ZNF700: variants seen among roughly 807,000 people sequenced by gnomAD.
ZNF700 encodes zinc finger protein 700.
Under a neutral mutation model 65.3 loss-of-function variants are expected in ZNF700, and 38 were observed. The ratio of observed to expected loss-of-function variants is 0.58; its 90% CI spans 0.45 to 0.76. The LOEUF is 0.76. Ranked by LOEUF, ZNF700 falls within the 30% of genes least tolerant of loss-of-function variation. The pLI, the probability that ZNF700 is intolerant of heterozygous loss-of-function variation, is 0.00. For missense variants in ZNF700, 857 were observed against 888.4 expected, an observed-to-expected ratio of 0.96 and a Z score of 0.45; for synonymous variants, 285 against 290.4, an observed-to-expected ratio of 0.98 and a Z score of 0.19.
At chr19:11,937,772 G>A (rs1972820287) in intron 1 of ZNF700, among the ~76,000 whole-genome samples, 1 of 152,060 alleles carries the variant, frequency 6.6e-6, no homozygotes, top group South Asian at 2.1e-4. Context: ...ACAAGTGTGA[G>A]CCACCGCACC....
At chr19:11,936,687 G>A (rs577855149) in intron 1 of ZNF700, among the ~76,000 whole-genome samples, 1 of 152,252 alleles carries the variant, frequency 6.6e-6, no homozygotes, top group East Asian at 1.9e-4. Flanking sequence ...AAGCTCTTTA[G>A]TTTAATTAGA....
At chr19:11,941,548 C>G (rs553485171) in intron 1 of ZNF700, among the ~76,000 whole-genome samples, 66 of 152,354 alleles carry the variant, frequency 4.3e-4, no homozygotes, top group Middle Eastern at 3.4e-3. Flanking sequence ...GGTGCTAAGC[C>G]CCTCATTGCC....
At chr19:11,928,425 A>G (rs1972664501) in intron 1 of ZNF700, among the ~76,000 whole-genome samples, 1 of 152,110 alleles carries the variant, frequency 6.6e-6, no homozygotes, top group African/African-American at 2.4e-5. Flanking sequence ...TAGCCATGAA[A>G]TCTTTGTGTG....
At chr19:11,932,501 A>T (rs1320041589) in intron 1 of ZNF700, among the ~76,000 whole-genome samples, 1 of 148,514 alleles carries the variant, frequency 6.7e-6, no homozygotes, top group African/African-American at 2.6e-5. Flanking sequence ...GAGTTGCACA[A>T]TGAATCCAAA....
At position 11,949,180 on chromosome 19, in the gene ZNF700, G is replaced by T. The variant is rs1255972479; in HGVS notation, c.1156G>T (p.Gly386Ter). The change falls in exon 4 of 4, where the codon GGA becomes TGA. Residue 386 changes from glycine (G) to a stop codon, truncating the protein, a stop_gained. Transcript: ENST00000254321. LOFTEE classifies it high-confidence loss of function. ...TCAAACACATGAAAAAACTCACACTGGAGAGAAACGCTATAAATGCAAGCA... is the reference window on the plus strand; with the variant it reads ...TCAAACACATGAAAAAACTCACACTTGAGAGAAACGCTATAAATGCAAGCA... The part of the protein sequence containing the change: ...SFQTHEKTHT[G>*]EKRYKCKQCG... The T allele has an allele frequency of 6.2e-7, 1 of 1,613,076 alleles. No individual in the cohort carries two copies. The highest frequency in any genetic ancestry group is 8.5e-7 in the Non-Finnish European group (1 of 1,179,740).
intron 1 of ZNF700, among the ~76,000 whole-genome samples, chr19:11,930,351 T>C (rs1162700854): frequency 2.0e-5 from 3 of 148,480 alleles, no homozygotes; most frequent in Non-Finnish European, 2.9e-5. Context: ...TTAGCTGTCC[T>C]ACAGGGAGGT....
intron 1 of ZNF700, among the ~76,000 whole-genome samples, chr19:11,938,032 G>T (rs1568293480): frequency 6.6e-6 from 1 of 152,064 alleles, no homozygotes; most frequent in East Asian, 1.9e-4. Flanking sequence ...GCTAAGGCTT[G>T]TCAGATACCT....
At position 11,929,458 on chromosome 19, in the gene ZNF700, C is replaced by T. The variant is rs937459191; in HGVS notation, c.63+4185C>T. Among the ~76,000 whole-genome samples, 5 of 148,332 alleles carry T rather than the reference C, an allele frequency of 3.4e-5. 1 individual carries two copies. The highest frequency in any genetic ancestry group is 5.3e-5 in the African/African-American group (2 of 37,978). On this transcript the variant is annotated intron_variant, in intron 1 of 3. Coordinates refer to ENST00000254321, the MANE Select transcript of ZNF700 (RefSeq NM_144566.3). Reference sequence around the variant, plus strand: ...GATTACGGGTGTGAACCACTGCGCCCGGCCTGACTCATTTGTTCAAACAGC... The same window carrying T: ...GATTACGGGTGTGAACCACTGCGCCTGGCCTGACTCATTTGTTCAAACAGC...
chr19:11,935,881 C>G (rs768094202), intron 1 of ZNF700, among the ~76,000 whole-genome samples: 2 of 152,128 alleles, frequency 1.3e-5, no homozygotes, highest in African/African-American at 2.4e-5. Flanking sequence ...TGACAGGCCC[C>G]GGTGTGTGAT....
At chr19:11,929,113 T>C (rs1275212922) in intron 1 of ZNF700, among the ~76,000 whole-genome samples, 1 of 148,338 alleles carries the variant, frequency 6.7e-6, no homozygotes, top group Non-Finnish European at 1.5e-5. Flanking sequence ...ATGATCACAT[T>C]GCTTCAAGAT....
chr19:11,943,839 T>G (rs1401437052), intron 1 of ZNF700, among the ~76,000 whole-genome samples: 1 of 152,232 alleles, frequency 6.6e-6, no homozygotes, highest in Non-Finnish European at 1.5e-5. Context: ...CATGATGAGT[T>G]TCCTCATGCT....
chr19:11,936,108 T>G lies in ZNF700; in HGVS notation c.63+10835T>G, dbSNP rs562724144. 1.3e-3 allele frequency among the ~76,000 whole-genome samples: 193 copies of G among 152,330 alleles called. 1 individual carries two copies. The highest frequency in any genetic ancestry group is 4.6e-3 in the African/African-American group (191 of 41,562). Reference sequence around the variant, plus strand: ...ACATTTTCTTAATCCAGTCTATCATTGGTGGACATTTGGGTTGGTTCCAAG... The same window carrying G: ...ACATTTTCTTAATCCAGTCTATCATGGGTGGACATTTGGGTTGGTTCCAAG... On this transcript the variant is annotated intron_variant, in intron 1 of 3. Transcript: ENST00000254321.
chr19:11,926,955 T>C (rs1368406190), intron 1 of ZNF700, among the ~76,000 whole-genome samples: 4 of 152,162 alleles, frequency 2.6e-5, no homozygotes, highest in Non-Finnish European at 5.9e-5. Flanking sequence ...CTTGCTTGTA[T>C]TACCAGGAAA....
rs1568298145 is a variant in ZNF700, at chr19:11,949,193, A to G, written c.1169A>G (p.Tyr390Cys). Reference sequence around the variant, plus strand: ...AAAACTCACACTGGAGAGAAACGCTATAAATGCAAGCAATGTGGTAAAGCC... The same window carrying G: ...AAAACTCACACTGGAGAGAAACGCTGTAAATGCAAGCAATGTGGTAAAGCC... ...HEKTHTGEKR[Y>C]KCKQCGKAFN... is the part of the protein sequence containing the mutation. The change falls in exon 4 of 4, where the codon TAT (tyrosine) becomes TGT (cysteine). Residue 390 changes from tyrosine to cysteine, a missense_variant. Tyr to Cys is a radical substitution (Grantham distance 194). Around this residue, in one of 3 missense-constraint regions of ZNF700, gnomAD observed 603 missense variants for 619.9 expected, o/e 0.97. Transcript: ENST00000254321. 1.2e-6 allele frequency: 2 copies of G among 1,613,504 alleles called. No homozygotes were observed. Among genetic ancestry groups the G allele is most frequent in the South Asian group, 1.1e-5 (1 of 90,962 alleles).
intron 1 of ZNF700, among the ~76,000 whole-genome samples, chr19:11,936,946 T>C (rs1477311662): frequency 6.6e-6 from 1 of 152,228 alleles, no homozygotes; most frequent in African/African-American, 2.4e-5. Flanking sequence ...AAATAGGGAA[T>C]CGTTTCCCCA....
At chr19:11,927,177 A>G (rs2145269568) in intron 1 of ZNF700, among the ~76,000 whole-genome samples, 1 of 152,094 alleles carries the variant, frequency 6.6e-6, no homozygotes, top group East Asian at 1.9e-4. Flanking sequence ...ACATAGTGAA[A>G]CCCCATCTCT....
chr19:11,933,780 G>T (rs1316371368), intron 1 of ZNF700, among the ~76,000 whole-genome samples: 2 of 145,696 alleles, frequency 1.4e-5, no homozygotes, highest in Non-Finnish European at 3.0e-5. Context: ...AGGAGGCGGA[G>T]CTTGCAGTGA....
intron 1 of ZNF700, among the ~76,000 whole-genome samples, chr19:11,933,539 C>T (rs1431182587): frequency 6.8e-6 from 1 of 147,590 alleles, no homozygotes; most frequent in Non-Finnish European, 1.5e-5. Flanking sequence ...CCCTCTTCTG[C>T]CACCCCTATT....
intron 1 of ZNF700, among the ~76,000 whole-genome samples, chr19:11,946,363 G>C (rs577314196): frequency 2.0e-5 from 3 of 152,032 alleles, no homozygotes; most frequent in Non-Finnish European, 2.9e-5. Flanking sequence ...AGGTAAGGAC[G>C]GGGGGCATTG....
Sources: gnomAD v4.1 joint callset for allele counts (sites outside exome capture counted in the v4.1 genomes callset) on GRCh38, gnomAD v4.1.1 for gene constraint, gnomAD v4.1.1 regional missense constraint, MANE v1.5 for transcripts, NCBI Gene and HGNC (gene_info 2026-07-23, HGNC 2026-07-21) for gene names.